PBLD: variants seen among roughly 807,000 people sequenced by gnomAD.
PBLD encodes phenazine biosynthesis-like domain-containing protein.
Under a neutral mutation model 31.3 loss-of-function variants are expected in PBLD, and 26 were observed. The ratio of observed to expected loss-of-function variants is 0.83; its 90% CI spans 0.61 to 1.15. The LOEUF is 1.15. Among genes scored for constraint, PBLD ranks in the 50% most tolerant of loss-of-function variants. The pLI is 0.00. For synonymous variants in PBLD, 114 were observed against 129.0 expected (o/e 0.88, Z 0.79); for missense variants, 307 against 351.7 (o/e 0.87, Z 1.02).
At chr10:68,311,950 G>A (rs899242211) in intron 1 of PBLD, among the ~76,000 whole-genome samples, 2 of 152,206 alleles carry the variant, frequency 1.3e-5, no homozygotes, top group Non-Finnish European at 2.9e-5. Context: ...CACATCAGTA[G>A]CCTGGGAACA....
Position 68,289,023 on chromosome 10 carries a change from T to C in PBLD, c.424-4A>G, listed in dbSNP as rs1564724436. On this transcript the variant is annotated splice_polypyrimidine_tract_variant and splice_region_variant and intron_variant, in intron 6 of 9. Transcript: ENST00000358769. ...CCAGTGTGTTGCCTATGGCAGTCTG[T>C]GGAGACAGACCAAAAACTCCTCAGG... 2 of 1,613,174 alleles carry C rather than the reference T, an allele frequency of 1.2e-6. No homozygotes were observed. Among genetic ancestry groups the C allele is most frequent in the East Asian group, 2.2e-5 (1 of 44,896 alleles).
In PBLD at chr10:68,296,307, T is replaced by C. The variant is rs145190151; in HGVS notation, c.242A>G (p.His81Arg). The C allele has an allele frequency of 1.9e-6, 3 of 1,614,114 alleles. No individual in the cohort carries two copies. The highest frequency in any genetic ancestry group is 1.1e-5 in the South Asian group (1 of 91,070). The change falls in exon 4 of 10, where the codon CAT becomes CGT. Residue 81 changes from histidine to arginine, a missense_variant. Transcript: ENST00000358769. ...CACAGCTGCAGAAGCCAGGGTGGCA[T>C]GGCCACAGAGTGGGACCTCACTCGC... ...TPASEVPLCG[H>R]ATLASAAVLF...
intron 1 of PBLD, among the ~76,000 whole-genome samples, chr10:68,310,976 C>G (rs1484408756): frequency 6.6e-6 from 1 of 152,168 alleles, no homozygotes; most frequent in Non-Finnish European, 1.5e-5. Context: ...CTTACATTAG[C>G]TTTCAGGTGG....
chr10:68,330,764 A>C (rs1490082033), intron 1 of PBLD, among the ~76,000 whole-genome samples: 1 of 142,714 alleles, frequency 7.0e-6, no homozygotes, highest in Non-Finnish European at 1.5e-5. Context: ...GTGTATTTTT[A>C]GTAGAGACAG....
rs1351833038 is a variant in PBLD at position 68,296,258 on chromosome 10, CACATT to C, written c.283+3_283+7del. ...AAGTGTTAGATTCATTAAAGAAAAT[CACATT>C]ACTTATTTTGTGAAACAGCACAGCT... On this transcript the variant is annotated splice_donor_5th_base_variant and intron_variant, in intron 4 of 9. Transcript: ENST00000358769. 4 of 1,596,428 alleles carry C rather than the reference CACATT, an allele frequency of 2.5e-6. No homozygotes were observed. Among genetic ancestry groups the C allele is most frequent in the Middle Eastern group, 3.3e-4 (2 of 5,996 alleles).
intron 1 of PBLD, among the ~76,000 whole-genome samples, chr10:68,313,214 C>T (rs996501879): frequency 2.6e-5 from 4 of 152,166 alleles, no homozygotes; most frequent in South Asian, 2.1e-4. Context: ...CGTGCCGGGC[C>T]GAGTTTCTTA....
At chr10:68,289,494 A>G (rs1251369791) in intron 6 of PBLD, among the ~76,000 whole-genome samples, 3 of 152,064 alleles carry the variant, frequency 2.0e-5, no homozygotes, top group Non-Finnish European at 4.4e-5. Context: ...CACTTGGCCG[A>G]GATCGCACCA....
At chr10:68,290,081 A>ACT (rs34854456) in intron 6 of PBLD, among the ~76,000 whole-genome samples, 119,625 of 151,798 alleles carry the variant, frequency 0.79, 47,755 homozygotes, top group Non-Finnish European at 0.86. Context: ...GGCTTGGGGC[A>ACT]GAGGGGGATT....
chr10:68,329,946 C>A (rs2044988720), intron 1 of PBLD, among the ~76,000 whole-genome samples: 2 of 152,070 alleles, frequency 1.3e-5, no homozygotes, highest in African/African-American at 4.8e-5. Flanking sequence ...ATTTTCACTT[C>A]TCTAGGACTT....
At chr10:68,287,894 T>TA (rs1400525220) in intron 8 of PBLD, 3 of 152,434 alleles carry the variant, frequency 2.0e-5, no homozygotes, top group African/African-American at 7.2e-5. Context: ...CTATCTCTAG[T>TA]AAAAATACAA....
Position 68,284,206 on chromosome 10 carries a change from C to A in PBLD, c.838G>T (p.Val280Phe). The A allele has an allele frequency of 1.2e-6, 2 of 1,614,098 alleles. No individual in the cohort carries two copies. The highest frequency in any genetic ancestry group is 2.2e-5 in the East Asian group (1 of 44,874). Residue 280 changes from valine to phenylalanine, a missense_variant, in exon 10 of 10, where the codon GTT becomes TTT. By Grantham distance (50) the Val-to-Phe change is conservative (BLOSUM62 -1). Coordinates refer to ENST00000358769, the MANE Select transcript of PBLD (RefSeq NM_022129.4). ...GCTGTCAGTGTGCCCTCTAAAACAACAGCTGCACCTCCTCTAATGTCAACC... is the reference window on the plus strand; with the variant it reads ...GCTGTCAGTGTGCCCTCTAAAACAAAAGCTGCACCTCCTCTAATGTCAACC... ...GRVDIRGGAA[V>F]VLEGTLTA
chr10:68,297,959 T>TAA (rs59652364), intron 2 of PBLD, among the ~76,000 whole-genome samples: 53,442 of 148,078 alleles, frequency 0.36, 10,004 homozygotes, highest in Non-Finnish European at 0.42. Context: ...AAGATTTAAA[T>TAA]AAAAAAAAAA....
intron 1 of PBLD, among the ~76,000 whole-genome samples, chr10:68,320,985 C>A (rs1453375354): frequency 1.3e-5 from 2 of 152,010 alleles, no homozygotes; most frequent in African/African-American, 4.8e-5. Flanking sequence ...CCACGCCCAG[C>A]TAACTTTTGT....
chr10:68,309,742 G>A (rs773385843), intron 1 of PBLD, among the ~76,000 whole-genome samples: 12 of 147,238 alleles, frequency 8.2e-5, no homozygotes, highest in Non-Finnish European at 1.8e-4. Flanking sequence ...CAGAGTCAGA[G>A]GTTGTGGTGA....
intron 2 of PBLD, among the ~76,000 whole-genome samples, chr10:68,297,959 T>TAAAAA (rs59652364): frequency 2.0e-5 from 3 of 148,196 alleles, no homozygotes; most frequent in Admixed American, 1.3e-4. Flanking sequence ...AAGATTTAAA[T>TAAAAA]AAAAAAAAAA....
chr10:68,303,706 T>G (rs1199324141), intron 2 of PBLD, among the ~76,000 whole-genome samples: 1 of 152,172 alleles, frequency 6.6e-6, no homozygotes, highest in African/African-American at 2.4e-5. Flanking sequence ...TCAGTAGTCT[T>G]TTATCAAGTG....
chr10:68,285,385 G>C lies in PBLD; in HGVS notation c.717C>G (p.Ser239Arg). The C allele has an allele frequency of 6.2e-7, 1 of 1,614,050 alleles. No homozygotes were observed. Among genetic ancestry groups the C allele is most frequent in the Non-Finnish European group, 8.5e-7 (1 of 1,179,980 alleles). ...VTGSAHAVLS[S>R]YWSQHLGKKE... ...TCTTCCCCAGATGCTGGGACCAGTAGCTGCTGAGAACAGCGTGTGCAGACC... is the reference window on the plus strand; with the variant it reads ...TCTTCCCCAGATGCTGGGACCAGTACCTGCTGAGAACAGCGTGTGCAGACC... Residue 239 changes from serine (S) to arginine (R), a missense_variant, in exon 9 of 10, where the codon AGC becomes AGG. Physicochemically the swap from Ser to Arg is moderately radical, Grantham distance 110. Transcript: ENST00000358769.
intron 1 of PBLD, among the ~76,000 whole-genome samples, chr10:68,321,887 G>A (rs1387653167): frequency 6.6e-6 from 1 of 152,134 alleles, no homozygotes; most frequent in African/African-American, 2.4e-5. Flanking sequence ...AATAAATGGA[G>A]GAGAAGAGAC....
intron 2 of PBLD, chr10:68,297,198 G>A: frequency 1.8e-6 from 1 of 561,900 alleles, no homozygotes; most frequent in Non-Finnish European, 3.2e-6. Flanking sequence ...TTATAAATGT[G>A]CAAGCTGGAA....
Sources: gnomAD v4.1 joint callset for allele counts (sites outside exome capture counted in the v4.1 genomes callset) on GRCh38, gnomAD v4.1.1 for gene constraint, MANE v1.5 for transcripts, NCBI Gene and HGNC (gene_info 2026-07-23, HGNC 2026-07-21) for gene names.